The following SESN1 variants were observed in gnomAD, a reference collection of about 807,000 sequenced individuals.
SESN1 encodes the protein sestrin 1.
A neutral mutation model predicts 59.3 loss-of-function variants in SESN1; 30 were observed. The observed-to-expected ratio is 0.51, with a 90% CI of 0.38 to 0.69. The LOEUF (loss-of-function observed/expected upper bound fraction) is 0.69. Ranked by LOEUF, SESN1 falls within the 30% of genes least tolerant of loss-of-function variation. The pLI, the probability that SESN1 is intolerant of heterozygous loss-of-function variation, is 0.00. For synonymous variants in SESN1, 197 were observed against 219.9 expected (o/e 0.90, Z 0.92); for missense variants, 566 against 673.0 (o/e 0.84, Z 1.76).
At chr6:109,010,187 C>T (rs1779833657) in intron 1 of SESN1, among the ~76,000 whole-genome samples, 1 of 152,004 alleles carries the variant, frequency 6.6e-6, no homozygotes, top group South Asian at 2.1e-4. Context: ...TCTAATATTC[C>T]TTCATAAGCG....
At chr6:109,091,482 G>T (rs1321033887) in intron 1 of SESN1, among the ~76,000 whole-genome samples, 1 of 152,072 alleles carries the variant, frequency 6.6e-6, no homozygotes, top group African/African-American at 2.4e-5. Flanking sequence ...CCCTCAAACT[G>T]TCTGCCCCAG....
intron 1 of SESN1, among the ~76,000 whole-genome samples, chr6:109,084,547 C>G (rs1180151760): frequency 6.6e-6 from 1 of 151,754 alleles, no homozygotes; most frequent in Non-Finnish European, 1.5e-5. Flanking sequence ...GAGCAACAGT[C>G]GGTCTCAAAA....
At chr6:109,051,509 T>G (rs1780541429) in intron 1 of SESN1, among the ~76,000 whole-genome samples, 1 of 152,176 alleles carries the variant, frequency 6.6e-6, no homozygotes, top group Non-Finnish European at 1.5e-5. Context: ...CTTATTACCT[T>G]TTTGCTTACC....
At chr6:109,074,181 C>G (rs1230506268) in intron 1 of SESN1, among the ~76,000 whole-genome samples, 2 of 152,134 alleles carry the variant, frequency 1.3e-5, no homozygotes, top group African/African-American at 4.8e-5. Context: ...GCTATACCAT[C>G]TATGTTTGTG....
At chr6:109,011,569 T>C (rs1056898538) in intron 1 of SESN1, among the ~76,000 whole-genome samples, 5 of 152,028 alleles carry the variant, frequency 3.3e-5, no homozygotes, top group Non-Finnish European at 7.4e-5. Flanking sequence ...CATAAAAAGG[T>C]TGCCTCCAAA....
intron 1 of SESN1, among the ~76,000 whole-genome samples, chr6:109,016,490 T>C (rs1779931169): frequency 6.6e-6 from 1 of 152,140 alleles, no homozygotes; most frequent in South Asian, 2.1e-4. Context: ...GGTATTAAGT[T>C]GTAGATTCTT....
intron 2 of SESN1, 44 bp from the exon 3 acceptor site, chr6:109,001,532 G>C: frequency 6.5e-7 from 1 of 1,543,744 alleles, no homozygotes; most frequent in Non-Finnish European, 8.9e-7. Context: ...TGGTAAATTG[G>C]TGTTAAGGGA....
intron 5 of SESN1, among the ~76,000 whole-genome samples, chr6:108,995,777 T>C (rs760798627): frequency 6.6e-6 from 1 of 152,078 alleles, no homozygotes; most frequent in Admixed American, 6.6e-5. Flanking sequence ...GAGAGAGACT[T>C]TGTCTCAAAA....
intron 1 of SESN1, among the ~76,000 whole-genome samples, chr6:109,029,495 C>G (rs1033704278): frequency 7.2e-5 from 11 of 152,162 alleles, no homozygotes; most frequent in African/African-American, 2.7e-4. Context: ...CAACCTCTCC[C>G]TCCTCAAGCC....
At position 109,092,412 on chromosome 6, in the gene SESN1, C is replaced by T. The variant is rs556648292; in HGVS notation, c.279+1383G>A. ...TTGAAATCCTTTGATACTATGCTCCCCAGAGCCTGCTTACTTTTATTTTCA... is the reference window on the plus strand; with the variant it reads ...TTGAAATCCTTTGATACTATGCTCCTCAGAGCCTGCTTACTTTTATTTTCA... On this transcript the variant is annotated intron_variant, in intron 1 of 9. Transcript: ENST00000436639. 2.0e-5 allele frequency among the ~76,000 whole-genome samples: 3 copies of T among 152,266 alleles called. No individual in the cohort carries two copies. The South Asian group carries it at 6.2e-4, about 32-fold the overall frequency.
intron 1 of SESN1, among the ~76,000 whole-genome samples, chr6:109,068,791 G>A (rs1016055223): frequency 2.0e-5 from 3 of 151,304 alleles, no homozygotes; most frequent in Non-Finnish European, 4.4e-5. Context: ...TACGATCCTG[G>A]CTCACTGCAA....
chr6:109,015,162 C>T (rs1199035008), intron 1 of SESN1, among the ~76,000 whole-genome samples: 2 of 152,134 alleles, frequency 1.3e-5, no homozygotes, highest in Non-Finnish European at 2.9e-5. Flanking sequence ...GCCACAAAAC[C>T]TGCCTGTTTA....
At position 108,986,433 on chromosome 6, in the gene SESN1, CAAATA is replaced by C. The variant is rs1779194464; in HGVS notation, c.*1106_*1110del. 1 of 152,518 alleles carries C rather than the reference CAAATA, an allele frequency of 6.6e-6. No homozygotes were observed. Among genetic ancestry groups the C allele is most frequent in the African/African-American group, 2.4e-5 (1 of 41,402 alleles). 9.4% of individuals were successfully genotyped at this position (152,518 alleles called of 1,614,324 possible). On this transcript the variant is annotated 3_prime_UTR_variant, in exon 10 of 10. Coordinates refer to ENST00000436639, the MANE Select transcript of SESN1 (RefSeq NM_014454.3). ...ATGATTTTTTAAGAGATTGAGACAGCAAATAAAATTGGAGAAAAATTCTTCTTTAT... is the reference window on the plus strand; with the variant it reads ...ATGATTTTTTAAGAGATTGAGACAGCAAATTGGAGAAAAATTCTTCTTTAT...
intron 7 of SESN1, among the ~76,000 whole-genome samples, chr6:108,991,754 T>C (rs570564932): frequency 1.3e-5 from 2 of 152,338 alleles, no homozygotes; most frequent in Admixed American, 1.3e-4. Flanking sequence ...GCCATCACGC[T>C]GGTCAAAGCC....
chr6:108,987,804 A>ATTTTTT (rs1779239798), intron 9 of SESN1, among the ~76,000 whole-genome samples, 174 bp from the exon 10 acceptor site: 4 of 106,638 alleles, frequency 3.8e-5, no homozygotes, highest in African/African-American at 8.1e-5. Context: ...AACAGCAGCT[A>ATTTTTT]TCTTTTTTTT....
At chr6:109,080,624 A>C (rs537645824) in intron 1 of SESN1, among the ~76,000 whole-genome samples, 1 of 152,370 alleles carries the variant, frequency 6.6e-6, no homozygotes, top group East Asian at 1.9e-4. Context: ...TTTACCTTGA[A>C]GGAAAACAAT....
At chr6:109,008,749 C>A in intron 1 of SESN1, 8 of 982,360 alleles carry the variant, frequency 8.1e-6, no homozygotes, top group Non-Finnish European at 9.7e-6. Context: ...CAATTAAGTA[C>A]CTCTTTCTAA....
At chr6:109,009,285 T>C in intron 1 of SESN1, 1 of 1,328,830 alleles carries the variant, frequency 7.5e-7, no homozygotes, top group South Asian at 1.6e-5. Context: ...GACCTCCGTG[T>C]TGCACAGGGC....
chr6:109,072,860 T>C (rs1235006365), intron 1 of SESN1, among the ~76,000 whole-genome samples: 1 of 152,134 alleles, frequency 6.6e-6, no homozygotes, highest in Non-Finnish European at 1.5e-5. Context: ...GATAGTTGAC[T>C]ACGGAATCAC....
Sources: allele counts gnomAD v4.1 joint callset (sites outside exome capture counted in the v4.1 genomes callset), GRCh38; gene constraint gnomAD v4.1.1; transcripts MANE v1.5; gene names NCBI Gene and HGNC (gene_info 2026-07-23, HGNC 2026-07-21).